Variants in ARHGEF2 observed in about 807,000 individuals in gnomAD.
The protein encoded by ARHGEF2 is rho guanine nucleotide exchange factor 2.
Under a neutral mutation model 121.0 loss-of-function variants are expected in ARHGEF2, and 22 were observed. The observed-to-expected ratio is 0.18, with a 90% CI of 0.13 to 0.26. The LOEUF is 0.26. Ranked by LOEUF, ARHGEF2 falls within the 10% of genes least tolerant of loss-of-function variation. The probability of loss-of-function intolerance (pLI) is 1.00; values close to 1 mark genes in which losing one functional copy is unlikely to be tolerated. For missense variants in ARHGEF2, 907 were observed against 1,336.0 expected (o/e 0.68, Z 5.01); for synonymous variants, 487 against 530.0 (o/e 0.92, Z 1.11).
intron 12 of ARHGEF2, 81 bp downstream of exon 12, chr1:155,958,239 C>T: frequency 8.8e-7 from 1 of 1,141,136 alleles, no homozygotes; most frequent in Non-Finnish European, 1.3e-6. Context: ...GACTCCAGAG[C>T]TCTCGTGGGC....
chr1:155,964,178 A>ATATATATATG (rs1553244971), intron 7 of ARHGEF2, among the ~76,000 whole-genome samples: 1 of 101,098 alleles, frequency 9.9e-6, no homozygotes, highest in Non-Finnish European at 1.9e-5. Context: ...ATATATATAT[A>ATATATATATG]TATATATATA....
In ARHGEF2 at chr1:155,957,607, C is replaced by T. The variant is rs534788453; in HGVS notation, c.1715+106G>A. 261 of 1,320,086 alleles carry T rather than the reference C, an allele frequency of 2.0e-4. No homozygotes were observed. The African/African-American group carries it at 2.8e-3, about 14-fold the overall frequency. 81.8% of individuals were successfully genotyped at this position (1,320,086 alleles called of 1,614,324 possible). A position where few individuals can be genotyped will look rare whatever the true frequency, so the allele number is the denominator to read the frequency against. Reference sequence around the variant, plus strand: ...TTGTCTCTCCCTCAACCTCTTCCCCCACCTCTGAATGCTGGATTCTGTTCC... The same window carrying T: ...TTGTCTCTCCCTCAACCTCTTCCCCTACCTCTGAATGCTGGATTCTGTTCC... On this transcript the variant is annotated intron_variant, in intron 13 of 21. Coordinates refer to ENST00000361247, the MANE Select transcript of ARHGEF2 (RefSeq NM_001162383.2).
Position 155,962,511 on chromosome 1 carries a change from G to T in ARHGEF2, c.1101+82C>A. On this transcript the variant is annotated intron_variant, in intron 9 of 21. Transcript: ENST00000361247. This position sits in a 1 kb window ranked among gnomAD's most constrained non-coding sequence, Gnocchi z 5.8. ...TGGCGAATGCCTGACCTCCATGTGGGTGCAGCTCACAGGCACTACCCCCAT... is the reference window on the plus strand; with the variant it reads ...TGGCGAATGCCTGACCTCCATGTGGTTGCAGCTCACAGGCACTACCCCCAT... 1.9e-6 allele frequency: 3 copies of T among 1,573,914 alleles called. No homozygotes were observed. The highest frequency in any genetic ancestry group is 2.4e-5 in the South Asian group (2 of 84,794).
chr1:155,951,036 A>T lies in ARHGEF2; in HGVS notation c.2496T>A (p.Ala832=). The change falls in exon 20 of 22, where the codon GCT becomes GCA. Residue 832 remains alanine, a synonymous_variant. Transcript: ENST00000361247. The surrounding 1 kb of genome is among the most constrained non-coding windows in gnomAD (Gnocchi z 5.1). ...CCCGGAGCCGGGCCTCCAGGCTGCC[A>T]GCTTCGGTTGCCCGTTCTTCACCTA... ...RRLGEERATE[A]GSLEARLRES... The T allele has an allele frequency of 3.7e-6, 6 of 1,603,194 alleles. No homozygotes were observed. Among genetic ancestry groups the T allele is most frequent in the Non-Finnish European group, 5.1e-6 (6 of 1,176,558 alleles).
chr1:155,947,504 C>T lies in ARHGEF2; in HGVS notation c.*438G>A. The T allele has an allele frequency of 4.5e-6, 2 of 441,768 alleles. No homozygotes were observed. The allele number at this position is 441,768 out of a possible 1,614,324, so 27.4% of individuals were successfully genotyped here. A position where few individuals can be genotyped will look rare whatever the true frequency, so the allele number is the denominator to read the frequency against. Reference sequence around the variant, plus strand: ...GGGTGCTGTGGCTGCAGCCTCTCCTCCAAGACGGATGTTGCAGGGGAGGGC... The same window carrying T: ...GGGTGCTGTGGCTGCAGCCTCTCCTTCAAGACGGATGTTGCAGGGGAGGGC... On this transcript the variant is annotated 3_prime_UTR_variant, in exon 22 of 22. Transcript: ENST00000361247.
rs780445708 is a variant in ARHGEF2 at position 155,965,135 on chromosome 1, G to A, written c.581-4C>T. 5 of 1,613,866 alleles carry A rather than the reference G, an allele frequency of 3.1e-6. No individual in the cohort carries two copies. The South Asian group carries it at 5.5e-5, about 18-fold the overall frequency. Reference sequence around the variant, plus strand: ...AGCTCACTGTAGATTACCTCTGCTGGACATTAGCAGGGCAAGCAACTCAGA... The same window carrying A: ...AGCTCACTGTAGATTACCTCTGCTGAACATTAGCAGGGCAAGCAACTCAGA... On this transcript the variant is annotated splice_region_variant and splice_polypyrimidine_tract_variant and intron_variant, in intron 6 of 21. Transcript: ENST00000361247. This position sits in a 1 kb window ranked among gnomAD's most constrained non-coding sequence, Gnocchi z 6.0.
At chr1:155,967,023 T>C in intron 2 of ARHGEF2, 136 bp from the exon 3 acceptor site, 1 of 748,166 alleles carries the variant, frequency 1.3e-6, no homozygotes, top group East Asian at 2.6e-5. Context: ...TCTGGGCCAT[T>C]ACCACACCCC....
Position 155,947,395 on chromosome 1 carries a change from A to T in ARHGEF2, c.*547T>A. 2.2e-6 allele frequency: 1 copy of T among 456,630 alleles called. No homozygotes were observed. Among genetic ancestry groups the T allele is most frequent in the South Asian group, 1.5e-5 (1 of 64,560 alleles). The allele number at this position is 456,630 out of a possible 1,614,324, so 28.3% of individuals were successfully genotyped here. A position where few individuals can be genotyped will look rare whatever the true frequency, so the allele number is the denominator to read the frequency against. ...CAGGGCTTCCATGAAGGACGGAGAA[A>T]GGGAGAACAGCAGTAAGAGGTTGAG... On this transcript the variant is annotated 3_prime_UTR_variant, in exon 22 of 22. Transcript: ENST00000361247.
intron 1 of ARHGEF2, 28 bp from the exon 2 acceptor site, chr1:155,969,328 G>T: frequency 1.9e-6 from 3 of 1,612,426 alleles, no homozygotes; most frequent in Non-Finnish European, 2.5e-6. Flanking sequence ...GGGAGAGGAA[G>T]TGAGGCTGGA....
intron 13 of ARHGEF2, among the ~76,000 whole-genome samples, chr1:155,956,988 G>C (rs914335891): frequency 6.6e-6 from 1 of 151,044 alleles, no homozygotes; most frequent in Non-Finnish European, 1.5e-5. Flanking sequence ...TTGAATCCAG[G>C]AGGTGGAGGT....
At chr1:155,964,161 AAAAAAAATATATAT>A (rs1415741452) in intron 7 of ARHGEF2, among the ~76,000 whole-genome samples, 5 of 57,238 alleles carry the variant, frequency 8.7e-5, no homozygotes, top group African/African-American at 2.9e-4. Flanking sequence ...AAAAAAAAAA[AAAAAAAATATATAT>A]ATATATATAT....
At position 155,965,796 on chromosome 1, in the gene ARHGEF2, A is replaced by C; in HGVS notation, c.341-36T>G. On this transcript the variant is annotated intron_variant, in intron 4 of 21. Transcript: ENST00000361247. This position sits in a 1 kb window ranked among gnomAD's most constrained non-coding sequence, Gnocchi z 6.0. Reference sequence around the variant, plus strand: ...GAGATGCCCAGCAGGCAAACATCAGACTCTGGTGCTTCCCAGGATTGAGGC... The same window carrying C: ...GAGATGCCCAGCAGGCAAACATCAGCCTCTGGTGCTTCCCAGGATTGAGGC... 1 of 1,566,634 alleles carries C rather than the reference A, an allele frequency of 6.4e-7. No homozygotes were observed. The highest frequency in any genetic ancestry group is 8.6e-7 in the Non-Finnish European group (1 of 1,166,148).
intron 2 of ARHGEF2, among the ~76,000 whole-genome samples, chr1:155,967,252 C>T (rs955174228): frequency 6.6e-6 from 1 of 152,110 alleles, no homozygotes; most frequent in Non-Finnish European, 1.5e-5. Flanking sequence ...AGGACTCCCA[C>T]AGAACAGAAG....
Position 155,952,670 on chromosome 1 carries a change from A to T in ARHGEF2, c.1942T>A (p.Ser648Thr), listed in dbSNP as rs1675737920. 3 of 1,613,944 alleles carry T rather than the reference A, an allele frequency of 1.9e-6. No individual in the cohort carries two copies. The highest frequency in any genetic ancestry group is 2.7e-5 in the African/African-American group (2 of 75,016). The change falls in exon 15 of 22, where the codon TCC becomes ACC. Residue 648 changes from serine to threonine, a missense_variant. By Grantham distance (58) the Ser-to-Thr change is moderately conservative. Transcript: ENST00000361247. ...RGLFRSESLESPRGERLLQDA... is the reference protein window; with the variant it reads ...RGLFRSESLETPRGERLLQDA... ...TGCAGCAGCCGCTCGCCACGAGGGG[A>T]CTCAAGGGACTCAGAGCGGAAAAGG...
rs746837721 is a variant in ARHGEF2, at chr1:155,962,243, C to T, written c.1102-21G>A. ...ACTTTCTACAAGGGAGGAGGCAGGG[C>T]TCAGGGCCAGAGGGGAGGGCAACAG... On this transcript the variant is annotated intron_variant, in intron 9 of 21. Coordinates refer to ENST00000361247, the MANE Select transcript of ARHGEF2 (RefSeq NM_001162383.2). The surrounding 1 kb of genome is among the most constrained non-coding windows in gnomAD (Gnocchi z 5.8). 1.2e-6 allele frequency: 2 copies of T among 1,610,452 alleles called. No individual in the cohort carries two copies. Among genetic ancestry groups the T allele is most frequent in the Non-Finnish European group, 1.7e-6 (2 of 1,177,334 alleles).
Position 155,962,478 on chromosome 1 carries a change from T to G in ARHGEF2, c.1101+115A>C. ...TGACAGGATCTGTGTATGGATGGTC[T>G]GCACGGGTGGCGAATGCCTGACCTC... On this transcript the variant is annotated intron_variant, in intron 9 of 21. Transcript: ENST00000361247. The surrounding 1 kb of genome is among the most constrained non-coding windows in gnomAD (Gnocchi z 5.8). 6.9e-7 allele frequency: 1 copy of G among 1,449,058 alleles called. No homozygotes were observed. The highest frequency in any genetic ancestry group is 9.5e-7 in the Non-Finnish European group (1 of 1,055,996). 89.8% of individuals were successfully genotyped at this position (1,449,058 alleles called of 1,614,324 possible).
Position 155,951,325 on chromosome 1 carries a change from C to T in ARHGEF2, c.2260-53G>A, listed in dbSNP as rs968347790. ...TTATCAGAACCCCTGTGCTCTTCTA[C>T]CCCTCGCCTTCACCCTCCAAGGCCC... On this transcript the variant is annotated intron_variant, in intron 19 of 21. Transcript: ENST00000361247. This position sits in a 1 kb window ranked among gnomAD's most constrained non-coding sequence, Gnocchi z 5.1. 22 of 1,565,444 alleles carry T rather than the reference C, an allele frequency of 1.4e-5. No individual in the cohort carries two copies. The highest frequency in any genetic ancestry group is 1.2e-5 in the South Asian group (1 of 85,056).
Position 155,978,503 on chromosome 1 carries a change from G to C in ARHGEF2, c.-76C>G. On this transcript the variant is annotated 5_prime_UTR_variant, in exon 1 of 22. Transcript: ENST00000361247. The surrounding 1 kb of genome is among the most constrained non-coding windows in gnomAD (Gnocchi z 4.1). ...ATTGTTGGGGGAAGGCGGGGGGAGG[G>C]GTTCGGCCCGCACGCGTTGGTCTCG... is the stretch of plus-strand genomic sequence containing the variant. The C allele has an allele frequency of 7.5e-7, 1 of 1,338,306 alleles. No individual in the cohort carries two copies. The highest frequency in any genetic ancestry group is 1.8e-5 in the South Asian group (1 of 55,080). The allele number at this position is 1,338,306 out of a possible 1,614,324, so 82.9% of individuals were successfully genotyped here.
chr1:155,952,155 G>A lies in ARHGEF2; in HGVS notation c.2065C>T (p.Pro689Ser), dbSNP rs774094382. 4 of 1,614,126 alleles carry A rather than the reference G, an allele frequency of 2.5e-6. No homozygotes were observed. Residue 689 changes from proline (P) to serine (S), a missense_variant, in exon 16 of 22, where the codon CCA becomes TCA. Physicochemically the swap from Pro to Ser is moderately conservative, Grantham distance 74. Coordinates refer to ENST00000361247, the MANE Select transcript of ARHGEF2 (RefSeq NM_001162383.2). ...TPREPALPLE[P>S]DSGGNTSPGV... is the part of the protein sequence containing the mutation. ...GGACTCGTGTTACCACCGCTGTCTG[G>A]TTCCAAGGGCAGGGCTGGCTCTCGG...
Sources: allele counts gnomAD v4.1 joint callset (sites outside exome capture counted in the v4.1 genomes callset), GRCh38; gene constraint gnomAD v4.1.1; non-coding constraint Gnocchi (gnomAD v3.1); transcripts MANE v1.5; gene names NCBI Gene and HGNC (gene_info 2026-07-23, HGNC 2026-07-21).